Variants in SUDS3 observed in about 807,000 individuals in gnomAD.
The protein encoded by SUDS3 is sin3 histone deacetylase corepressor complex component SDS3.
Under a neutral mutation model 53.5 loss-of-function variants are expected in SUDS3, and 23 were observed. That is an observed-to-expected ratio of 0.43 (90% CI 0.31 to 0.61). The LOEUF is 0.61. Ranked by LOEUF, SUDS3 falls within the 20% of genes least tolerant of loss-of-function variation. The pLI, the probability that SUDS3 is intolerant of heterozygous loss-of-function variation, is 0.10. For missense variants in SUDS3, 291 were observed against 405.9 expected, an observed-to-expected ratio of 0.72 and a Z score of 2.43; for synonymous variants, 150 against 148.5, an observed-to-expected ratio of 1.01 and a Z score of -0.08.
At chr12:118,410,593 TTTA>T (rs1266816516) in intron 10 of SUDS3, among the ~76,000 whole-genome samples, 171 of 109,254 alleles carry the variant, frequency 1.6e-3, no homozygotes, top group Non-Finnish European at 2.7e-3. Context: ...TATTTATTTA[TTTA>T]TTTATTTATT....
intron 3 of SUDS3, 48 bp downstream of exon 3, chr12:118,384,115 T>C: frequency 6.4e-7 from 1 of 1,567,010 alleles, no homozygotes; most frequent in Non-Finnish European, 8.8e-7. Flanking sequence ...TTCTTAATAT[T>C]ACAAACCCTT....
intron 6 of SUDS3, among the ~76,000 whole-genome samples, chr12:118,392,139 A>G (rs949080658): frequency 6.6e-6 from 1 of 152,214 alleles, no homozygotes; most frequent in African/African-American, 2.4e-5. Context: ...TCACTTGGAT[A>G]TGGAGGTGGC....
At chr12:118,411,247 G>A (rs2046356736) in intron 11 of SUDS3, 90 bp downstream of exon 11, 4 of 1,154,982 alleles carry the variant, frequency 3.5e-6, no homozygotes, top group South Asian at 1.3e-5. Flanking sequence ...TGCCACCAAG[G>A]AAGTACAGTG....
chr12:118,386,238 C>T (rs142508054), intron 4 of SUDS3, 53 bp downstream of exon 4: 39 of 1,417,092 alleles, frequency 2.8e-5, no homozygotes, highest in Middle Eastern at 1.7e-4. Context: ...GACCATTTGC[C>T]GATCGTCGGT....
chr12:118,389,860 G>GCTAA (rs1189563436), intron 4 of SUDS3, 67 bp from the exon 5 acceptor site: 1 of 1,590,986 alleles, frequency 6.3e-7, no homozygotes, highest in African/African-American at 1.3e-5. Flanking sequence ...CTAAATGAAT[G>GCTAA]CTAACATCAC....
chr12:118,391,005 G>C, intron 5 of SUDS3, 121 bp from the exon 6 acceptor site: 1 of 1,095,668 alleles, frequency 9.1e-7, no homozygotes, highest in Non-Finnish European at 1.4e-6. Context: ...CACTGTTACT[G>C]CAAGTGTGTG....
At position 118,389,929 on chromosome 12, in the gene SUDS3, C is replaced by G; in HGVS notation, c.343C>G (p.Leu115Val). 1 of 1,614,058 alleles carries G rather than the reference C, an allele frequency of 6.2e-7. No homozygotes were observed. The highest frequency in any genetic ancestry group is 2.2e-5 in the East Asian group (1 of 44,890). ...ATTGCACTTTTTATCTCTTGCAGAA[C>G]TCTTCCTCCAGCTGGAAGTAAGTAC... ...QYKERIRNAELFLQLETEQVE... is the reference protein window; with the variant it reads ...QYKERIRNAEVFLQLETEQVE... The change falls in exon 5 of 12, where the codon CTC (leucine) becomes GTC (valine). Residue 115 changes from leucine (L) to valine (V), a missense_variant and splice_region_variant. This residue lies in a region of SUDS3 where 149 missense variants were observed against 146.5 expected (regional missense o/e 1.02). Coordinates refer to ENST00000543473, the MANE Select transcript of SUDS3 (RefSeq NM_022491.3).
chr12:118,408,016 T>G (rs1210629894), intron 10 of SUDS3, among the ~76,000 whole-genome samples: 1 of 152,056 alleles, frequency 6.6e-6, no homozygotes, highest in African/African-American at 2.4e-5. Flanking sequence ...GTTCTCTCCC[T>G]CAGCCTCCCA....
chr12:118,401,752 T>A lies in SUDS3; in HGVS notation c.614-7T>A. The A allele has an allele frequency of 5.0e-6, 8 of 1,613,188 alleles. No individual in the cohort carries two copies. The highest frequency in any genetic ancestry group is 6.8e-6 in the Non-Finnish European group (8 of 1,179,220). On this transcript the variant is annotated splice_region_variant and splice_polypyrimidine_tract_variant and intron_variant, in intron 7 of 11. Transcript: ENST00000543473. ...CTTTTCACATACAGTCCTTTAACTC[T>A]CAACACCCCAGCTAAACTATTTGTT...
In SUDS3 at chr12:118,378,271, T is replaced by C. The variant is rs146730986; in HGVS notation, c.142+1438T>C. Among the ~76,000 whole-genome samples the C allele has an allele frequency of 6.2e-3, 945 of 152,332 alleles. 15 individuals are homozygous for C. Among genetic ancestry groups the C allele is most frequent in the African/African-American group, 0.022 (908 of 41,582 alleles). On this transcript the variant is annotated intron_variant, in intron 1 of 11. Coordinates refer to ENST00000543473, the MANE Select transcript of SUDS3 (RefSeq NM_022491.3). The stretch of plus-strand genomic sequence containing the variant: ...TTGTAACTTGGAAAATATTTATTTG[T>C]GTCAGATTCCCCTTTTTTATTGTAT...
At chr12:118,413,986 T>A (rs1191933496) in intron 11 of SUDS3, among the ~76,000 whole-genome samples, 1 of 152,186 alleles carries the variant, frequency 6.6e-6, no homozygotes, top group African/African-American at 2.4e-5. Flanking sequence ...TATGAATAGA[T>A]GTCTCTTGAG....
chr12:118,385,977 GTTAAC>G, intron 3 of SUDS3, 132 bp from the exon 4 acceptor site: 1 of 729,594 alleles, frequency 1.4e-6, no homozygotes, highest in Non-Finnish European at 2.4e-6. Flanking sequence ...AAGAACCAGA[GTTAAC>G]TTTGCTGAGG....
At chr12:118,410,087 G>T (rs1256603132) in intron 10 of SUDS3, among the ~76,000 whole-genome samples, 1 of 152,220 alleles carries the variant, frequency 6.6e-6, no homozygotes, top group African/African-American at 2.4e-5. Flanking sequence ...CTGTTACCAG[G>T]TGTGGTTATT....
chr12:118,400,816 A>G, intron 7 of SUDS3, 62 bp downstream of exon 7: 1 of 1,494,600 alleles, frequency 6.7e-7, no homozygotes. Context: ...TCCTATGTTT[A>G]TCCGTTTGCT....
chr12:118,380,554 A>T (rs3741444), intron 2 of SUDS3, among the ~76,000 whole-genome samples: 7,375 of 152,280 alleles, frequency 0.048, 382 homozygotes, highest in East Asian at 0.24. Context: ...TCCAAAGACC[A>T]TGTATGTTTA....
intron 4 of SUDS3, 67 bp downstream of exon 4, chr12:118,386,252 A>G: frequency 7.9e-7 from 1 of 1,270,642 alleles, no homozygotes; most frequent in Non-Finnish European, 1.1e-6. Context: ...CGTCGGTGTA[A>G]TGCAGCCCTA....
chr12:118,403,388 C>T, intron 9 of SUDS3, 24 bp from the exon 10 acceptor site: 2 of 1,578,194 alleles, frequency 1.3e-6, no homozygotes, highest in Non-Finnish European at 1.7e-6. Context: ...CATTCTTAGT[C>T]ACGTAAGTAT....
At chr12:118,412,043 A>G (rs944699444) in intron 11 of SUDS3, among the ~76,000 whole-genome samples, 1 of 152,032 alleles carries the variant, frequency 6.6e-6, no homozygotes, top group Admixed American at 6.5e-5. Flanking sequence ...GAGATGTCCT[A>G]TTGTGCTTCA....
chr12:118,386,686 T>C (rs1210902961), intron 4 of SUDS3, among the ~76,000 whole-genome samples: 1 of 152,146 alleles, frequency 6.6e-6, no homozygotes, highest in Non-Finnish European at 1.5e-5. Context: ...TCAACAAAAA[T>C]GAATTGAGCA....
Sources: gnomAD v4.1 joint callset for allele counts (sites outside exome capture counted in the v4.1 genomes callset) on GRCh38, gnomAD v4.1.1 for gene constraint, gnomAD v4.1.1 regional missense constraint, MANE v1.5 for transcripts, NCBI Gene and HGNC (gene_info 2026-07-23, HGNC 2026-07-21) for gene names.